The following RBFOX1 variants were observed in gnomAD, a reference collection of about 807,000 sequenced individuals.
RBFOX1 encodes the protein RNA binding fox-1 homolog 1.
Under a neutral mutation model 57.7 loss-of-function variants are expected in RBFOX1, and 8 were observed. That is an observed-to-expected ratio of 0.14 (90% CI 0.08 to 0.25). The LOEUF (loss-of-function observed/expected upper bound fraction) is 0.25, where lower values mean the gene tolerates loss of function less well. Among genes scored for constraint, RBFOX1 ranks in the 10% least tolerant of loss-of-function variants. The pLI is 1.00. For missense variants in RBFOX1, 611 were observed against 548.5 expected (o/e 1.11, Z -1.14); for synonymous variants, 326 against 222.4 (o/e 1.47, Z -4.15).
At position 5,916,716 on chromosome 16, in the gene RBFOX1, C is replaced by T. The variant is rs191609007; in HGVS notation, c.351+49381C>T. Among the ~76,000 whole-genome samples the T allele has an allele frequency of 1.7e-3, 259 of 152,228 alleles. 1 individual carries two copies. The highest frequency in any genetic ancestry group is 5.8e-3 in the African/African-American group (243 of 41,544). On this transcript the variant is annotated intron_variant, in intron 4 of 19. Coordinates refer to the RBFOX1 transcript ENST00000641259. ...TTGTCAGGTGAGAAAGCTGCCGGGT[C>T]AGCACCACCCCCCACACTAAGCTGC...
At chr16:7,666,003 T>C (rs2069141983) in intron 13 of RBFOX1, among the ~76,000 whole-genome samples, 1 of 152,194 alleles carries the variant, frequency 6.6e-6, no homozygotes. Flanking sequence ...TGGGTTAGTA[T>C]TTTTTCCCCC....
intron 4 of RBFOX1, among the ~76,000 whole-genome samples, chr16:7,488,550 A>G (rs1477299853): frequency 6.8e-6 from 1 of 147,702 alleles, no homozygotes. Context: ...CTGTCTATAC[A>G]TACATCAATC....
At chr16:7,582,558 C>G (rs1373682301) in intron 6 of RBFOX1, among the ~76,000 whole-genome samples, 1 of 152,124 alleles carries the variant, frequency 6.6e-6, no homozygotes, top group Non-Finnish European at 1.5e-5. Flanking sequence ...TGGCAGGAAT[C>G]ACATTGTGAA....
rs1051960723 is a variant in RBFOX1, at chr16:7,107,473, A to G, written c.27+55375A>G. ...CTCAGGAGGCTTTATTTTCTTAAAC[A>G]CAGCTTTATTGAGGAAGGATTAACT... On this transcript the variant is annotated intron_variant, in intron 4 of 15. Coordinates refer to ENST00000550418, the MANE Select transcript of RBFOX1 (RefSeq NM_018723.4). Among the ~76,000 whole-genome samples the G allele has an allele frequency of 6.6e-5, 10 of 152,234 alleles. No individual in the cohort carries two copies. In the South Asian group the frequency reaches 1.5e-3, roughly 22 times the overall value.
At chr16:5,925,271 C>G (rs1294492192) in intron 4 of RBFOX1, among the ~76,000 whole-genome samples, 1 of 152,168 alleles carries the variant, frequency 6.6e-6, no homozygotes, top group African/African-American at 2.4e-5. Context: ...TGTCCATCAG[C>G]AAGTGAACAG....
intron 5 of RBFOX1, among the ~76,000 whole-genome samples, chr16:7,548,029 C>T (rs1281818520): frequency 6.6e-6 from 1 of 152,204 alleles, no homozygotes. Flanking sequence ...GTAAAGAGGA[C>T]ACTCTGTAAA....
intron 1 of RBFOX1, among the ~76,000 whole-genome samples, chr16:6,206,295 C>T (rs1245901051): frequency 6.6e-6 from 1 of 152,082 alleles, no homozygotes; most frequent in African/African-American, 2.4e-5. Context: ...GCCGCTCTTT[C>T]CTGCTTACTT....
intron 3 of RBFOX1, among the ~76,000 whole-genome samples, chr16:6,924,089 G>C (rs543408957): frequency 2.0e-5 from 3 of 151,762 alleles, no homozygotes; most frequent in Non-Finnish European, 4.4e-5. Flanking sequence ...AGAGTCGCTT[G>C]AACCCGGAGG....
At chr16:5,805,290 T>G (rs1201041092) in intron 3 of RBFOX1, among the ~76,000 whole-genome samples, 3 of 152,202 alleles carry the variant, frequency 2.0e-5, no homozygotes, top group African/African-American at 7.2e-5. Flanking sequence ...ATTTATTTAC[T>G]CATTCCATAA....
At chr16:5,719,279 G>T (rs2051838867) in intron 3 of RBFOX1, among the ~76,000 whole-genome samples, 1 of 146,880 alleles carries the variant, frequency 6.8e-6, no homozygotes, top group African/African-American at 2.5e-5. Context: ...TCGGCTCACT[G>T]CAAGCTCCGC....
At chr16:5,907,408 G>A (rs1220982713) in intron 4 of RBFOX1, among the ~76,000 whole-genome samples, 7 of 151,924 alleles carry the variant, frequency 4.6e-5, no homozygotes, top group African/African-American at 1.5e-4. Context: ...GAGTCATGCT[G>A]CTTTTTTTCA....
intron 3 of RBFOX1, among the ~76,000 whole-genome samples, chr16:7,042,458 T>G (rs1038284320): frequency 6.6e-6 from 1 of 152,218 alleles, no homozygotes; most frequent in South Asian, 2.1e-4. Context: ...CCTCAGTTTT[T>G]CCACCTGTAA....
At chr16:6,869,999 C>T (rs573820529) in intron 3 of RBFOX1, among the ~76,000 whole-genome samples, 8 of 152,260 alleles carry the variant, frequency 5.3e-5, no homozygotes, top group South Asian at 2.1e-4. Context: ...ACATTTTCTA[C>T]GTTGATGCTG....
intron 1 of RBFOX1, among the ~76,000 whole-genome samples, chr16:6,253,399 A>C (rs1424001305): frequency 1.3e-5 from 2 of 152,158 alleles, no homozygotes; most frequent in African/African-American, 4.8e-5. Flanking sequence ...GGGAACTCAC[A>C]GCAAACCTTC....
chr16:6,797,841 A>G lies in RBFOX1; in HGVS notation c.-16+143191A>G, dbSNP rs145639840. ...GTCTGCAATCATGAGCTCTAGAACCACTCGACTTGAGTTGCTATCCCATTT... is the reference window on the plus strand; with the variant it reads ...GTCTGCAATCATGAGCTCTAGAACCGCTCGACTTGAGTTGCTATCCCATTT... On this transcript the variant is annotated intron_variant, in intron 3 of 15. Transcript: ENST00000550418. Among the ~76,000 whole-genome samples the G allele has an allele frequency of 3.9e-5, 6 of 152,192 alleles. No homozygotes were observed. In the East Asian group the frequency reaches 1.2e-3, roughly 29 times the overall value.
At chr16:7,182,390 C>G (rs8045961) in intron 4 of RBFOX1, among the ~76,000 whole-genome samples, 93,965 of 151,992 alleles carry the variant, frequency 0.62, 29,367 homozygotes, top group African/African-American at 0.69. Flanking sequence ...GAAATGTCCT[C>G]ACATTGAAGC....
At chr16:6,513,717 A>G (rs541849028) in intron 2 of RBFOX1, among the ~76,000 whole-genome samples, 1 of 152,196 alleles carries the variant, frequency 6.6e-6, no homozygotes, top group Admixed American at 6.5e-5. Context: ...CTGGGGGACA[A>G]GAGTGAGACT....
At chr16:6,984,074 C>G (rs900182909) in intron 3 of RBFOX1, among the ~76,000 whole-genome samples, 7 of 152,060 alleles carry the variant, frequency 4.6e-5, no homozygotes, top group African/African-American at 1.7e-4. Context: ...ATGGAGAAAC[C>G]CTGTCTCTAC....
At chr16:6,151,874 T>C (rs1397265153) in intron 1 of RBFOX1, among the ~76,000 whole-genome samples, 1 of 152,216 alleles carries the variant, frequency 6.6e-6, no homozygotes, top group Non-Finnish European at 1.5e-5. Flanking sequence ...TTGGCTGAAC[T>C]GTGTCTTGAA....
Sources: gnomAD v4.1 joint callset for allele counts (sites outside exome capture counted in the v4.1 genomes callset) on GRCh38, gnomAD v4.1.1 for gene constraint, MANE v1.5 for transcripts, NCBI Gene and HGNC (gene_info 2026-07-23, HGNC 2026-07-21) for gene names.